Variants in ZNF536 observed in about 807,000 individuals in gnomAD.
ZNF536 encodes zinc finger protein 536.
ZNF536 carries 13 observed loss-of-function variants against 84.5 expected under a neutral mutation model. The observed-to-expected ratio is 0.15, with a 90% confidence interval of 0.10 to 0.24. The LOEUF (loss-of-function observed/expected upper bound fraction) is 0.24, where lower values mean the gene tolerates loss of function less well. Among genes scored for constraint, ZNF536 ranks in the 10% least tolerant of loss-of-function variants. The pLI is 1.00. For missense variants in ZNF536, 1,536 were observed against 1,747.5 expected, an observed-to-expected ratio of 0.88 and a Z score of 2.16; for synonymous variants, 811 against 742.5, an observed-to-expected ratio of 1.09 and a Z score of -1.50.
chr19:30,380,815 T>C (rs1349732866), intron 1 of ZNF536, among the ~76,000 whole-genome samples: 2 of 152,196 alleles, frequency 1.3e-5, no homozygotes, highest in Non-Finnish European at 2.9e-5. Flanking sequence ...AGGTGCCCGA[T>C]GCGTGTTTCT....
intron 1 of ZNF536, among the ~76,000 whole-genome samples, chr19:30,596,927 G>T (rs1184791896): frequency 2.0e-5 from 3 of 151,872 alleles, no homozygotes; most frequent in African/African-American, 7.3e-5. Flanking sequence ...CTCTCCACCT[G>T]ATCTGACCTT....
intron 1 of ZNF536, among the ~76,000 whole-genome samples, chr19:30,602,977 C>T (rs931257003): frequency 2.0e-5 from 3 of 152,174 alleles, no homozygotes; most frequent in African/African-American, 4.8e-5. Flanking sequence ...AGAGATTAGA[C>T]GCCAGAGTGA....
At chr19:30,352,012 G>A (rs1253402754) in intron 2 of ZNF536, among the ~76,000 whole-genome samples, 1 of 152,208 alleles carries the variant, frequency 6.6e-6, no homozygotes, top group East Asian at 1.9e-4. Context: ...GTCTTCAGGT[G>A]TAAATAGCAT....
At chr19:30,547,315 G>A (rs1820965850) in intron 3 of ZNF536, among the ~76,000 whole-genome samples, 1 of 152,128 alleles carries the variant, frequency 6.6e-6, no homozygotes, top group African/African-American at 2.4e-5. Flanking sequence ...TATAGAATAT[G>A]TATTTATAGT....
intron 1 of ZNF536, among the ~76,000 whole-genome samples, chr19:30,689,491 G>C (rs545175467): frequency 6.6e-6 from 1 of 152,300 alleles, no homozygotes; most frequent in South Asian, 2.1e-4. Flanking sequence ...TTTTGGGAGG[G>C]GAGAGAGTTT....
intron 1 of ZNF536, among the ~76,000 whole-genome samples, chr19:30,626,707 G>A (rs940170244): frequency 1.1e-4 from 17 of 152,188 alleles, no homozygotes; most frequent in African/African-American, 4.1e-4. Flanking sequence ...CTCCCCCAAC[G>A]TGCAGTCTGA....
At chr19:30,403,099 G>A (rs997176971) in intron 1 of ZNF536, among the ~76,000 whole-genome samples, 3 of 152,008 alleles carry the variant, frequency 2.0e-5, no homozygotes, top group Non-Finnish European at 2.9e-5. Context: ...GGAGAACACC[G>A]CTGCTGACGA....
intron 1 of ZNF536, among the ~76,000 whole-genome samples, chr19:30,608,233 C>T (rs1707206566): frequency 6.6e-6 from 1 of 152,142 alleles, no homozygotes; most frequent in Non-Finnish European, 1.5e-5. Context: ...AATCTTGAAA[C>T]CTTCAGGAGA....
rs550467971 is a variant in ZNF536 at position 30,711,589 on chromosome 19, C to T, written c.*588C>T. 7.2e-5 allele frequency: 11 copies of T among 152,268 alleles called. No individual in the cohort carries two copies. In the East Asian group the frequency reaches 1.7e-3, roughly 24 times the overall value. 9.4% of individuals were successfully genotyped at this position (152,268 alleles called of 1,614,324 possible). A position where few individuals can be genotyped will look rare whatever the true frequency, so the allele number is the denominator to read the frequency against. On this transcript the variant is annotated 3_prime_UTR_variant, in exon 2 of 2. Coordinates refer to the ZNF536 transcript ENST00000592773. ...ACCTTAGACGGCCCGCAGCCAGCGC[C>T]GGGGCTGACCGGCACTGCAGAGGAT...
At chr19:30,533,593 G>A (rs1443313754) in intron 2 of ZNF536, among the ~76,000 whole-genome samples, 1 of 152,098 alleles carries the variant, frequency 6.6e-6, no homozygotes, top group African/African-American at 2.4e-5. Flanking sequence ...GCTTTTGGCT[G>A]TTAGCAGAGA....
exon 2 of ZNF536, chr19:30,713,076 G>A (rs984050432): frequency 6.6e-6 from 1 of 152,040 alleles, no homozygotes; most frequent in African/African-American, 2.4e-5. Flanking sequence ...CCTCAGATGC[G>A]ACAGGCAATA....
chr19:30,555,396 A>T (rs963774621), intron 4 of ZNF536: 3 of 152,168 alleles, frequency 2.0e-5, no homozygotes, highest in African/African-American at 7.2e-5. Context: ...CCTTACCTCC[A>T]TCAGTGTTAG....
At chr19:30,501,750 C>T (rs957208657) in intron 2 of ZNF536, among the ~76,000 whole-genome samples, 1 of 152,210 alleles carries the variant, frequency 6.6e-6, no homozygotes, top group Non-Finnish European at 1.5e-5. Context: ...CACACAATGG[C>T]AGGGCATGAG....
chr19:30,600,897 C>A (rs540684397), intron 1 of ZNF536, among the ~76,000 whole-genome samples: 1 of 152,322 alleles, frequency 6.6e-6, no homozygotes, highest in South Asian at 2.1e-4. Flanking sequence ...TCTTTTGTTC[C>A]GTTGATTCCT....
Position 30,356,856 on chromosome 19 carries a change from A to G in ZNF536, c.-3+4372A>G, listed in dbSNP as rs142313177. On this transcript the variant is annotated intron_variant, in intron 3 of 5. Coordinates refer to the ZNF536 transcript ENST00000585628. ...CAGATGTGGGATCTGAGGCCAGAGAAGTGGCCTGCCCCAAACCTGGGAGGG... is the reference window on the plus strand; with the variant it reads ...CAGATGTGGGATCTGAGGCCAGAGAGGTGGCCTGCCCCAAACCTGGGAGGG... Among the ~76,000 whole-genome samples the G allele has an allele frequency of 2.4e-3, 366 of 152,330 alleles. 1 individual carries two copies. Among genetic ancestry groups the G allele is most frequent in the East Asian group, 0.019 (100 of 5,174 alleles).
chr19:30,415,151 TC>T (rs1441291411), intron 1 of ZNF536, among the ~76,000 whole-genome samples: 3 of 115,280 alleles, frequency 2.6e-5, no homozygotes, highest in Non-Finnish European at 5.5e-5. Flanking sequence ...CTTCTTCTCC[TC>T]CCCCTCCCCC....
At chr19:30,702,477 C>T (rs1691047748) in intron 1 of ZNF536, among the ~76,000 whole-genome samples, 1 of 152,290 alleles carries the variant, frequency 6.6e-6, no homozygotes, top group African/African-American at 2.4e-5. Flanking sequence ...GGGCCCCCAT[C>T]TGGCCACACC....
At chr19:30,626,707 G>T (rs940170244) in intron 1 of ZNF536, among the ~76,000 whole-genome samples, 1 of 152,190 alleles carries the variant, frequency 6.6e-6, no homozygotes. Context: ...CTCCCCCAAC[G>T]TGCAGTCTGA....
At chr19:30,497,721 C>A (rs1049059437) in intron 2 of ZNF536, among the ~76,000 whole-genome samples, 1 of 151,054 alleles carries the variant, frequency 6.6e-6, no homozygotes, top group East Asian at 2.0e-4. Flanking sequence ...AAAGAGATCA[C>A]CTTCATGTGT....
Sources: allele counts gnomAD v4.1 joint callset (sites outside exome capture counted in the v4.1 genomes callset), GRCh38; gene constraint gnomAD v4.1.1; transcripts MANE v1.5; gene names NCBI Gene and HGNC (gene_info 2026-07-23, HGNC 2026-07-21).